The following USP43 variants were observed in gnomAD, a reference collection of about 807,000 sequenced individuals.
USP43 encodes ubiquitin carboxyl-terminal hydrolase 43.
A neutral mutation model predicts 90.7 loss-of-function variants in USP43; 33 were observed. The observed-to-expected ratio is 0.36, with a 90% confidence interval of 0.28 to 0.49. The LOEUF is 0.49. USP43 is among the 20% of genes least tolerant of loss of function. USP43 has a pLI of 0.98. For missense variants in USP43, 1,274 were observed against 1,476.4 expected (o/e 0.86, Z 2.25); for synonymous variants, 598 against 615.8 (o/e 0.97, Z 0.43).
At chr17:9,719,654 G>A (rs143346514) in intron 14 of USP43, among the ~76,000 whole-genome samples, 4,752 of 152,270 alleles carry the variant, frequency 0.031, 95 homozygotes, top group African/African-American at 0.047. Flanking sequence ...GATTAGAGTC[G>A]CTTTCACATG....
At chr17:9,651,756 G>T (rs1911877572) in intron 1 of USP43, among the ~76,000 whole-genome samples, 1 of 152,050 alleles carries the variant, frequency 6.6e-6, no homozygotes, top group South Asian at 2.1e-4. Flanking sequence ...TTAAAAACAA[G>T]GATGCCTTCT....
At position 9,652,061 on chromosome 17, in the gene USP43, T is replaced by C. The variant is rs1039681146; in HGVS notation, c.505-4342T>C. 1.3e-4 allele frequency among the ~76,000 whole-genome samples: 19 copies of C among 151,918 alleles called. No individual in the cohort carries two copies. The South Asian group carries it at 2.5e-3, about 20-fold the overall frequency. ...TTGGGAAATAAAACATACATACAGG[T>C]AGAGTTATGCCATGTTGAAGGAGAG... is the stretch of plus-strand genomic sequence containing the variant. On this transcript the variant is annotated intron_variant, in intron 1 of 14. Transcript: ENST00000285199.
chr17:9,645,392 G>C (rs1361081450), upstream of USP43: 2 of 270,454 alleles, frequency 7.4e-6, no homozygotes, highest in Non-Finnish European at 1.4e-5. This position sits in a 1 kb window ranked among gnomAD's most constrained non-coding sequence, Gnocchi z 6.8. Context: ...TCAGCGCAGC[G>C]GGGGCGGCAC....
intron 14 of USP43, among the ~76,000 whole-genome samples, chr17:9,721,469 A>G (rs139778650): frequency 1.4e-4 from 22 of 152,272 alleles, no homozygotes; most frequent in African/African-American, 4.8e-4. Flanking sequence ...ATGGAGTCAG[A>G]CGTGCTACCA....
chr17:9,724,449 G>T (rs562427085), intron 14 of USP43, among the ~76,000 whole-genome samples: 1 of 152,156 alleles, frequency 6.6e-6, no homozygotes, highest in Non-Finnish European at 1.5e-5. Context: ...AGAGGTCGAG[G>T]CGGGTGGATC....
At chr17:9,718,863 G>A (rs1435884096) in intron 14 of USP43, among the ~76,000 whole-genome samples, 3 of 151,638 alleles carry the variant, frequency 2.0e-5, no homozygotes, top group Admixed American at 6.6e-5. Flanking sequence ...AAGAAAAAAA[G>A]AATCCGTTTC....
intron 2 of USP43, among the ~76,000 whole-genome samples, chr17:9,659,910 C>T (rs1165044677): frequency 1.3e-5 from 2 of 152,070 alleles, no homozygotes; most frequent in Non-Finnish European, 2.9e-5. Context: ...TTAGTAGATG[C>T]CAGTCTAGAT....
intron 3 of USP43, among the ~76,000 whole-genome samples, chr17:9,670,423 G>GT (rs1213527870): frequency 6.6e-6 from 1 of 152,192 alleles, no homozygotes. Flanking sequence ...CCCAGTGGGA[G>GT]AGCAATGGTG....
chr17:9,652,212 C>CA (rs769295315), intron 1 of USP43, among the ~76,000 whole-genome samples: 4,113 of 41,838 alleles, frequency 0.098, 141 homozygotes, highest in African/African-American at 0.18. Flanking sequence ...GCCCTTAGCG[C>CA]AAAAAAAAAA....
intron 3 of USP43, among the ~76,000 whole-genome samples, chr17:9,673,905 TTTC>T (rs751164504): frequency 2.6e-5 from 4 of 152,178 alleles, no homozygotes; most frequent in Non-Finnish European, 5.9e-5. Flanking sequence ...TTTCTTATGG[TTTC>T]TTCTTCTGTA....
chr17:9,713,687 A>T (rs1228181313), intron 14 of USP43, among the ~76,000 whole-genome samples: 1 of 152,140 alleles, frequency 6.6e-6, no homozygotes, highest in Non-Finnish European at 1.5e-5. Flanking sequence ...GTCAAACTGG[A>T]TGTATACTGA....
At chr17:9,724,183 G>T (rs1380076533) in intron 14 of USP43, among the ~76,000 whole-genome samples, 1 of 152,148 alleles carries the variant, frequency 6.6e-6, no homozygotes. Context: ...GGGGCTGGTG[G>T]TGTGACAGCC....
chr17:9,694,680 T>C (rs937950944), intron 9 of USP43, among the ~76,000 whole-genome samples: 2 of 152,176 alleles, frequency 1.3e-5, no homozygotes, highest in Admixed American at 1.3e-4. Context: ...TCAAGTGCAG[T>C]GGCGCCATCT....
At chr17:9,684,711 C>T (rs546774600) in intron 7 of USP43, among the ~76,000 whole-genome samples, 31 of 138,122 alleles carry the variant, frequency 2.2e-4, no homozygotes, top group African/African-American at 5.9e-4. Flanking sequence ...TGCGGTGAGC[C>T]GAGATTGTGC....
chr17:9,667,843 G>A (rs1180612355), intron 3 of USP43, among the ~76,000 whole-genome samples: 12 of 152,138 alleles, frequency 7.9e-5, no homozygotes, highest in Non-Finnish European at 1.5e-4. Flanking sequence ...ATAATCATGC[G>A]TTTATATGTG....
At chr17:9,695,610 G>A (rs1037828818) in intron 9 of USP43, among the ~76,000 whole-genome samples, 1 of 152,174 alleles carries the variant, frequency 6.6e-6, no homozygotes, top group Non-Finnish European at 1.5e-5. Flanking sequence ...TGGGATTACA[G>A]GCATGAGCCA....
At chr17:9,670,647 T>C (rs1338835178) in intron 3 of USP43, among the ~76,000 whole-genome samples, 1 of 152,040 alleles carries the variant, frequency 6.6e-6, no homozygotes, top group African/African-American at 2.4e-5. Flanking sequence ...GTGAGTACTT[T>C]GGAGGAAAAA....
At chr17:9,659,563 G>A (rs11867638) in intron 2 of USP43, among the ~76,000 whole-genome samples, 42,579 of 151,882 alleles carry the variant, frequency 0.28, 6,083 homozygotes, top group East Asian at 0.4. Flanking sequence ...TGCTGGCTGC[G>A]TAGGAAAAGC....
intron 3 of USP43, among the ~76,000 whole-genome samples, chr17:9,668,790 A>G (rs1427632013): frequency 6.6e-6 from 1 of 152,190 alleles, no homozygotes; most frequent in African/African-American, 2.4e-5. Context: ...TGTGGTCACC[A>G]GCCTTGAAAG....
Sources: allele counts gnomAD v4.1 joint callset (sites outside exome capture counted in the v4.1 genomes callset), GRCh38; gene constraint gnomAD v4.1.1; non-coding constraint Gnocchi (gnomAD v3.1); transcripts MANE v1.5; gene names NCBI Gene and HGNC (gene_info 2026-07-23, HGNC 2026-07-21).